NFIC: variants seen among roughly 807,000 people sequenced by gnomAD.
NFIC encodes nuclear factor 1 C-type.
Under a neutral mutation model 54.4 loss-of-function variants are expected in NFIC, and 12 were observed. That is an observed-to-expected ratio of 0.22 (90% CI 0.14 to 0.36). NFIC has a LOEUF of 0.36. NFIC is among the 10% of genes least tolerant of loss of function. The pLI, the probability that NFIC is intolerant of heterozygous loss-of-function variation, is 1.00. For missense variants in NFIC, 575 were observed against 718.2 expected (o/e 0.80, Z 2.28); for synonymous variants, 322 against 319.2 (o/e 1.01, Z -0.09).
At chr19:3,367,330 C>CGGTAT (rs2080910296) in intron 1 of NFIC, among the ~76,000 whole-genome samples, 1 of 152,178 alleles carries the variant, frequency 6.6e-6, no homozygotes, top group Non-Finnish European at 1.5e-5. Context: ...AGCACCGTCC[C>CGGTAT]GGTATTTTCG....
At chr19:3,400,434 G>A (rs1460216516) in intron 2 of NFIC, among the ~76,000 whole-genome samples, 1 of 151,288 alleles carries the variant, frequency 6.6e-6, no homozygotes, top group South Asian at 2.1e-4. Flanking sequence ...CCGAGATCAC[G>A]CCACTGCACT....
chr19:3,450,097 GCA>G (rs780857806), intron 7 of NFIC, among the ~76,000 whole-genome samples: 4 of 152,164 alleles, frequency 2.6e-5, no homozygotes, highest in Non-Finnish European at 4.4e-5. Flanking sequence ...TGTAATCCCA[GCA>G]CTTTGGGATT....
intron 2 of NFIC, among the ~76,000 whole-genome samples, chr19:3,392,228 C>T (rs189603558): frequency 1.3e-5 from 2 of 152,114 alleles, no homozygotes; most frequent in East Asian, 1.9e-4. Flanking sequence ...CATGTCACCA[C>T]ACCCGGCTAA....
Position 3,381,502 on chromosome 19 carries a change from C to T in NFIC, c.31-210C>T, listed in dbSNP as rs535741476. On this transcript the variant is annotated intron_variant, in intron 1 of 10. Coordinates refer to ENST00000443272, the MANE Select transcript of NFIC (RefSeq NM_001245002.2). ...ATCTGGGCGATGGGTTCTTGCAGGTCCCTGATAAACTTCTCCTGGGTCCCC... is the reference window on the plus strand; with the variant it reads ...ATCTGGGCGATGGGTTCTTGCAGGTTCCTGATAAACTTCTCCTGGGTCCCC... Among the ~76,000 whole-genome samples the T allele has an allele frequency of 5.3e-5, 8 of 152,268 alleles. No homozygotes were observed. In the East Asian group the frequency reaches 1.6e-3, roughly 30 times the overall value.
intron 10 of NFIC, among the ~76,000 whole-genome samples, chr19:3,462,294 A>G (rs2082653755): frequency 6.6e-6 from 1 of 151,936 alleles, no homozygotes; most frequent in South Asian, 2.1e-4. Context: ...AGGTAGGAGA[A>G]TTGCTTGAAC....
At chr19:3,422,704 G>A (rs1413581155) in intron 2 of NFIC, among the ~76,000 whole-genome samples, 2 of 151,704 alleles carry the variant, frequency 1.3e-5, no homozygotes, top group South Asian at 4.2e-4. Context: ...GCGACAGAGC[G>A]AGACTCTGTC....
chr19:3,433,851 C>G (rs1488413335), intron 4 of NFIC, among the ~76,000 whole-genome samples: 1 of 152,188 alleles, frequency 6.6e-6, no homozygotes, highest in Non-Finnish European at 1.5e-5. Context: ...CCTCCTCCTC[C>G]CTGGGGCCTC....
upstream of NFIC, among the ~76,000 whole-genome samples, chr19:3,363,743 G>A (rs2080848332): frequency 6.6e-6 from 1 of 152,232 alleles, no homozygotes; most frequent in Non-Finnish European, 1.5e-5. Flanking sequence ...GTTCCCATGG[G>A]ACACTTAGCC....
At chr19:3,448,778 G>T (rs2082410340) in intron 6 of NFIC, among the ~76,000 whole-genome samples, 1 of 152,128 alleles carries the variant, frequency 6.6e-6, no homozygotes, top group South Asian at 2.1e-4. Flanking sequence ...AGGGGCACGT[G>T]TTGATACCCA....
chr19:3,366,775 C>T (rs1400752204), intron 1 of NFIC, 109 bp downstream of exon 1: 2 of 764,786 alleles, frequency 2.6e-6, no homozygotes, highest in Non-Finnish European at 3.8e-6. Flanking sequence ...GTCCCTCCCG[C>T]CATCCCTGCC....
chr19:3,370,521 C>A lies in NFIC; in HGVS notation c.30+3855C>A, dbSNP rs556349120. On this transcript the variant is annotated intron_variant, in intron 1 of 10. Coordinates refer to ENST00000443272, the MANE Select transcript of NFIC (RefSeq NM_001245002.2). This position sits in a 1 kb window ranked among gnomAD's most constrained non-coding sequence, Gnocchi z 5.2. The stretch of plus-strand genomic sequence containing the variant: ...TCTCTCTGTCTCCCTCCCTTTCTCC[C>A]CCCATCTCGCTCTCTCCTCCTCTCT... Among the ~76,000 whole-genome samples the A allele has an allele frequency of 6.6e-6, 1 of 151,460 alleles. No individual in the cohort carries two copies. The highest frequency in any genetic ancestry group is 2.1e-4 in the South Asian group (1 of 4,788).
intron 6 of NFIC, among the ~76,000 whole-genome samples, chr19:3,437,649 G>A (rs8100916): frequency 0.15 from 12,190 of 78,792 alleles, 807 homozygotes; most frequent in African/African-American, 0.22. Flanking sequence ...AAAAAAAAAA[G>A]AAAAAAAAAG....
rs117324894 is a variant in NFIC at position 3,386,082 on chromosome 19, C to G, written c.562+3839C>G. On this transcript the variant is annotated intron_variant, in intron 2 of 10. Transcript: ENST00000443272. ...CATTCCCTGGACATAGAATGTCTTTCCCATATGGAAAACCCCAACTCCGGC... is the reference window on the plus strand; with the variant it reads ...CATTCCCTGGACATAGAATGTCTTTGCCATATGGAAAACCCCAACTCCGGC... Among the ~76,000 whole-genome samples, 142 of 152,036 alleles carry G rather than the reference C, an allele frequency of 9.3e-4. 2 individuals are homozygous for G. The East Asian group carries it at 0.025, about 27-fold the overall frequency.
chr19:3,462,047 T>C (rs8107139), intron 10 of NFIC, among the ~76,000 whole-genome samples: 82,823 of 151,276 alleles, frequency 0.55, 25,153 homozygotes, highest in African/African-American at 0.81. Context: ...AGCGAGACTC[T>C]GTCTCAATAA....
At position 3,452,642 on chromosome 19, in the gene NFIC, C is replaced by T. The variant is rs560787202; in HGVS notation, c.1245C>T (p.Asp415=). 3 of 1,610,110 alleles carry T rather than the reference C, an allele frequency of 1.9e-6. No individual in the cohort carries two copies. Among genetic ancestry groups the T allele is most frequent in the East Asian group, 4.5e-5 (2 of 44,798 alleles). ...PLKDLVSLAC[D]PASQQPGPLN... ...AAGATCTTGTCTCGCTGGCCTGCGA[C>T]CCAGCCAGCCAGCAACCTGGACCGG... Residue 415 remains aspartate (D), a synonymous_variant, in exon 8 of 11, where the codon GAC becomes GAT. Transcript: ENST00000443272. This position sits in a 1 kb window ranked among gnomAD's most constrained non-coding sequence, Gnocchi z 5.3.
rs764096380 is a variant in NFIC at position 3,375,167 on chromosome 19, C to T, written c.31-6545C>T. The stretch of plus-strand genomic sequence containing the variant: ...TTGGGGAGAGAAGGAGTTGGGGGGA[C>T]AGTGATCCCTGCCCCCATCATGGAT... On this transcript the variant is annotated intron_variant, in intron 1 of 10. Transcript: ENST00000443272. The surrounding 1 kb of genome is among the most constrained non-coding windows in gnomAD (Gnocchi z 4.6). 6.6e-6 allele frequency among the ~76,000 whole-genome samples: 1 copy of T among 151,948 alleles called. No individual in the cohort carries two copies. Among genetic ancestry groups the T allele is most frequent in the Admixed American group, 6.6e-5 (1 of 15,250 alleles).
At chr19:3,365,060 G>T (rs2145416676), upstream of NFIC, among the ~76,000 whole-genome samples, 1 of 152,284 alleles carries the variant, frequency 6.6e-6, no homozygotes, top group African/African-American at 2.4e-5. Flanking sequence ...AGGGGAGCCT[G>T]TGGGGGGCCT....
chr19:3,463,776 G>T lies in NFIC; in HGVS notation c.*1007G>T, dbSNP rs925049377. Reference sequence around the variant, plus strand: ...ACACCCAGAGCTCCCCGAGTTGGGGGTGCCCGTCTGGAGCGCCCCCGTCAG... The same window carrying T: ...ACACCCAGAGCTCCCCGAGTTGGGGTTGCCCGTCTGGAGCGCCCCCGTCAG... On this transcript the variant is annotated 3_prime_UTR_variant, in exon 11 of 11. Transcript: ENST00000443272. The T allele has an allele frequency of 1.0e-6, 1 of 985,442 alleles. No individual in the cohort carries two copies. Among genetic ancestry groups the T allele is most frequent in the Non-Finnish European group, 1.2e-6 (1 of 830,018 alleles). 61.0% of individuals were successfully genotyped at this position (985,442 alleles called of 1,614,324 possible). A position where few individuals can be genotyped will look rare whatever the true frequency, so the allele number is the denominator to read the frequency against.
chr19:3,447,855 G>A (rs1371681768), intron 6 of NFIC, among the ~76,000 whole-genome samples: 2 of 152,244 alleles, frequency 1.3e-5, no homozygotes, highest in Non-Finnish European at 2.9e-5. Flanking sequence ...GATGTTTGGT[G>A]GGTGAGCCTC....
Sources: gnomAD v4.1 joint callset for allele counts (sites outside exome capture counted in the v4.1 genomes callset) on GRCh38, gnomAD v4.1.1 for gene constraint, Gnocchi (gnomAD v3.1) non-coding constraint, MANE v1.5 for transcripts, NCBI Gene and HGNC (gene_info 2026-07-23, HGNC 2026-07-21) for gene names.